The following LYPLAL1 variants were observed in gnomAD, a reference collection of about 807,000 sequenced individuals.
LYPLAL1 encodes lysophospholipase like 1, also known as lysophospholipase-like protein 1.
Under a neutral mutation model 19.7 loss-of-function variants are expected in LYPLAL1, and 23 were observed. The ratio of observed to expected loss-of-function variants is 1.17; its 90% confidence interval spans 0.84 to 1.65. LYPLAL1 has a LOEUF of 1.65. LYPLAL1 is among the 40% of genes most tolerant of loss of function. LYPLAL1 has a pLI of 0.00. For synonymous variants in LYPLAL1, 119 were observed against 96.3 expected (o/e 1.24, Z -1.38); for missense variants, 355 against 279.4 (o/e 1.27, Z -1.93).
At chr1:219,222,362 G>A in the LYPLAL1 span, 2 of 152,068 alleles carry the variant, frequency 1.3e-5, no homozygotes, top group African/African-American at 4.8e-5. Flanking sequence ...TAAAAAATAA[G>A]ACCCTGAATA....
chr1:219,323,375 T>G, the LYPLAL1 span, among the ~76,000 whole-genome samples: 5 of 152,206 alleles, frequency 3.3e-5, no homozygotes, highest in East Asian at 9.6e-4. Context: ...CAGGGAAGTC[T>G]CATTATGTGG....
chr1:219,440,399 A>C, the LYPLAL1 span, among the ~76,000 whole-genome samples: 1 of 152,104 alleles, frequency 6.6e-6, no homozygotes, highest in Non-Finnish European at 1.5e-5. Context: ...GACTAACATC[A>C]TGTCTGGGAA....
At chr1:219,401,439 C>G in the LYPLAL1 span, among the ~76,000 whole-genome samples, 725 of 151,300 alleles carry the variant, frequency 4.8e-3, 2 homozygotes, top group Non-Finnish European at 7.9e-3. Flanking sequence ...TCCCATACAT[C>G]TATCAAGAGA....
chr1:219,379,848 A>G, the LYPLAL1 span, among the ~76,000 whole-genome samples: 1 of 152,200 alleles, frequency 6.6e-6, no homozygotes, highest in Non-Finnish European at 1.5e-5. Context: ...CACTCACTGA[A>G]AAGACCTATT....
At chr1:219,265,183 T>C in the LYPLAL1 span, among the ~76,000 whole-genome samples, 6 of 152,298 alleles carry the variant, frequency 3.9e-5, no homozygotes, top group East Asian at 9.6e-4. Flanking sequence ...TATATAGCAC[T>C]CTCTATAATT....
chr1:219,390,087 A>G, the LYPLAL1 span, among the ~76,000 whole-genome samples: 1 of 151,694 alleles, frequency 6.6e-6, no homozygotes, highest in African/African-American at 2.4e-5. Flanking sequence ...AATGCTTTGT[A>G]GTCTCTAGGC....
At chr1:219,286,602 G>A in the LYPLAL1 span, among the ~76,000 whole-genome samples, 1 of 152,166 alleles carries the variant, frequency 6.6e-6, no homozygotes, top group Non-Finnish European at 1.5e-5. Flanking sequence ...AAGCTGCCAG[G>A]CCTCCTAGGC....
At chr1:219,235,274 G>C in the LYPLAL1 span, among the ~76,000 whole-genome samples, 1 of 152,138 alleles carries the variant, frequency 6.6e-6, no homozygotes, top group South Asian at 2.1e-4. Context: ...GAGCAAAAAT[G>C]TAAACATCTG....
At chr1:219,388,130 C>T in the LYPLAL1 span, among the ~76,000 whole-genome samples, 39,322 of 152,110 alleles carry the variant, frequency 0.26, 5,981 homozygotes, top group Admixed American at 0.35. Context: ...TCTACCTTGT[C>T]CATTTGCTCA....
downstream of LYPLAL1, among the ~76,000 whole-genome samples, chr1:219,215,375 T>G (rs1449649706): frequency 6.6e-6 from 1 of 152,144 alleles, no homozygotes; most frequent in Non-Finnish European, 1.5e-5. Flanking sequence ...TTTTTATTCT[T>G]GCTGGTTTTA....
At chr1:219,388,653 A>G in the LYPLAL1 span, among the ~76,000 whole-genome samples, 1 of 152,130 alleles carries the variant, frequency 6.6e-6, no homozygotes, top group Non-Finnish European at 1.5e-5. Flanking sequence ...AAAGTTGTCT[A>G]CTACACCGTT....
the LYPLAL1 span, among the ~76,000 whole-genome samples, chr1:219,286,239 A>G: frequency 1.3e-5 from 2 of 152,156 alleles, no homozygotes; most frequent in Non-Finnish European, 1.5e-5. Context: ...GGGGGTTCCT[A>G]GGGCCATGAG....
the LYPLAL1 span, among the ~76,000 whole-genome samples, chr1:219,383,872 G>A: frequency 6.6e-6 from 1 of 152,156 alleles, no homozygotes. Context: ...AGCTTTGGAC[G>A]TTACTGAAAA....
chr1:219,375,945 G>A, the LYPLAL1 span, among the ~76,000 whole-genome samples: 2 of 151,970 alleles, frequency 1.3e-5, no homozygotes, highest in Non-Finnish European at 2.9e-5. Flanking sequence ...GTTTCTCCAT[G>A]TTAGCCAGGA....
At chr1:219,208,026 T>G (rs1312414628) in intron 3 of LYPLAL1, among the ~76,000 whole-genome samples, 1 of 151,990 alleles carries the variant, frequency 6.6e-6, no homozygotes, top group Non-Finnish European at 1.5e-5. Flanking sequence ...ATTTTAGAGA[T>G]GTAGTTTTAT....
At chr1:219,239,322 C>T in the LYPLAL1 span, among the ~76,000 whole-genome samples, 2 of 152,214 alleles carry the variant, frequency 1.3e-5, no homozygotes, top group Admixed American at 1.3e-4. Flanking sequence ...GCCCTTAGTG[C>T]ATTTCCAGAA....
At chr1:219,444,347 C>T in the LYPLAL1 span, among the ~76,000 whole-genome samples, 1 of 152,154 alleles carries the variant, frequency 6.6e-6, no homozygotes, top group African/African-American at 2.4e-5. Flanking sequence ...CCTTTGTGTA[C>T]ACAGGTAGAA....
chr1:219,384,524 A>G, the LYPLAL1 span, among the ~76,000 whole-genome samples: 1 of 152,216 alleles, frequency 6.6e-6, no homozygotes, highest in Non-Finnish European at 1.5e-5. Flanking sequence ...GAATCATCTC[A>G]GATCAAAGGT....
chr1:219,430,888 G>GC, the LYPLAL1 span, among the ~76,000 whole-genome samples: 1 of 152,148 alleles, frequency 6.6e-6, no homozygotes, highest in Admixed American at 6.5e-5. Context: ...TATTGCCCAG[G>GC]CTGGTCTCAA....
Sources: gnomAD v4.1 joint callset for allele counts (sites outside exome capture counted in the v4.1 genomes callset) on GRCh38, gnomAD v4.1.1 for gene constraint, MANE v1.5 for transcripts, NCBI Gene and HGNC (gene_info 2026-07-23, HGNC 2026-07-21) for gene names.